Variants in GPHN observed in about 807,000 individuals in gnomAD.
GPHN encodes the protein gephyrin.
GPHN carries 17 observed loss-of-function variants against 95.5 expected under a neutral mutation model. The ratio of observed to expected loss-of-function variants is 0.18; its 90% confidence interval spans 0.12 to 0.27. GPHN has a LOEUF of 0.27. Among genes scored for constraint, GPHN ranks in the 10% least tolerant of loss-of-function variants. The pLI is 1.00. For missense variants in GPHN, 660 were observed against 978.1 expected (o/e 0.67, Z 4.34); for synonymous variants, 320 against 322.5 (o/e 0.99, Z 0.08).
At chr14:66,848,022 T>G (rs894288654) in intron 4 of GPHN, among the ~76,000 whole-genome samples, 4 of 152,020 alleles carry the variant, frequency 2.6e-5, no homozygotes, top group Admixed American at 1.3e-4. Flanking sequence ...AATCTTTAAT[T>G]TTATGAACAT....
intron 8 of GPHN, among the ~76,000 whole-genome samples, chr14:66,932,522 A>C (rs1177220150): frequency 7.7e-6 from 1 of 129,988 alleles, no homozygotes; most frequent in Non-Finnish European, 1.6e-5. Flanking sequence ...GGGTTTAGAA[A>C]TGCCGTCCAA....
chr14:67,180,181 C>T (rs1230504989), intron 22 of GPHN, among the ~76,000 whole-genome samples: 1 of 152,224 alleles, frequency 6.6e-6, no homozygotes, highest in Non-Finnish European at 1.5e-5. Flanking sequence ...TTATTCCCAA[C>T]TTCCCTACTC....
At chr14:66,648,861 A>G (rs1260262524) in intron 1 of GPHN, among the ~76,000 whole-genome samples, 1 of 152,216 alleles carries the variant, frequency 6.6e-6, no homozygotes, top group Non-Finnish European at 1.5e-5. Flanking sequence ...AAAATGCTTT[A>G]GTTGTTGCCT....
the GPHN span, chr14:67,454,605 C>T: frequency 6.6e-6 from 1 of 152,198 alleles, no homozygotes; most frequent in African/African-American, 2.4e-5. Flanking sequence ...CATGTCCCTG[C>T]ATTAGGGACT....
chr14:66,612,543 C>T (rs1423402279), intron 1 of GPHN, among the ~76,000 whole-genome samples: 1 of 152,074 alleles, frequency 6.6e-6, no homozygotes, highest in African/African-American at 2.4e-5. Flanking sequence ...CATTCCTCCA[C>T]TTCTCACCAT....
chr14:66,979,051 C>T (rs1284093247), intron 9 of GPHN, among the ~76,000 whole-genome samples: 1 of 152,084 alleles, frequency 6.6e-6, no homozygotes, highest in African/African-American at 2.4e-5. Flanking sequence ...TTTAGTAAAC[C>T]ATGCTGCAAA....
At chr14:66,676,766 A>T (rs2066616934) in intron 1 of GPHN, among the ~76,000 whole-genome samples, 1 of 146,932 alleles carries the variant, frequency 6.8e-6, no homozygotes, top group Non-Finnish European at 1.5e-5. Flanking sequence ...ACTGACCTCT[A>T]GTTTTTTTTG....
chr14:67,659,852 C>A, the GPHN span: 4 of 1,614,048 alleles, frequency 2.5e-6, no homozygotes, highest in African/African-American at 1.3e-5. Flanking sequence ...CCGGTAGTTT[C>A]GAAGCTTAGA....
chr14:67,674,275 G>A, the GPHN span: 1 of 1,124,390 alleles, frequency 8.9e-7, no homozygotes, highest in East Asian at 2.9e-5. Flanking sequence ...GGACGCGGAG[G>A]GAGGAGACGC....
intron 2 of GPHN, among the ~76,000 whole-genome samples, chr14:66,701,990 CAT>C (rs2068599057): frequency 6.6e-6 from 1 of 152,200 alleles, no homozygotes; most frequent in African/African-American, 2.4e-5. Context: ...GGTCCCAAGA[CAT>C]GTCCTCCACA....
chr14:66,688,354 G>A (rs980829634), intron 2 of GPHN, among the ~76,000 whole-genome samples: 1 of 152,126 alleles, frequency 6.6e-6, no homozygotes, highest in Non-Finnish European at 1.5e-5. Context: ...GCACACTCAA[G>A]TGTAACATTT....
chr14:66,983,648 T>G (rs2070827713), intron 9 of GPHN, among the ~76,000 whole-genome samples: 1 of 152,208 alleles, frequency 6.6e-6, no homozygotes, highest in South Asian at 2.1e-4. Flanking sequence ...ATGAGTGGTT[T>G]GCTCCCAAAG....
At chr14:67,224,674 T>C in the GPHN span, 1 of 328,932 alleles carries the variant, frequency 3.0e-6, no homozygotes, top group Non-Finnish European at 5.9e-6. Context: ...TCTGATTCTT[T>C]GATATTTTTT....
chr14:67,376,732 A>G, the GPHN span: 4 of 769,204 alleles, frequency 5.2e-6, no homozygotes, highest in South Asian at 1.9e-5. Context: ...GGCCAATCCT[A>G]TATGGTCAAG....
At chr14:66,556,013 T>C (rs2059994177) in intron 1 of GPHN, among the ~76,000 whole-genome samples, 1 of 152,178 alleles carries the variant, frequency 6.6e-6, no homozygotes, top group Admixed American at 6.5e-5. Context: ...CTATATGTTA[T>C]AGCCTATTGC....
chr14:66,608,210 T>C (rs2062631799), intron 1 of GPHN, among the ~76,000 whole-genome samples: 1 of 152,040 alleles, frequency 6.6e-6, no homozygotes, highest in African/African-American at 2.4e-5. Flanking sequence ...TTTCGAATAG[T>C]TTTTTGGTTT....
At chr14:67,004,618 T>C (rs1209261335) in intron 9 of GPHN, among the ~76,000 whole-genome samples, 3 of 151,812 alleles carry the variant, frequency 2.0e-5, no homozygotes, top group Admixed American at 1.3e-4. Flanking sequence ...ATCACCATTC[T>C]TGAGTCCTGT....
chr14:67,393,008 A>G, the GPHN span: 1 of 874,174 alleles, frequency 1.1e-6, no homozygotes, highest in African/African-American at 1.6e-5. Flanking sequence ...GTGGCTGCAC[A>G]CCCACACATG....
At chr14:67,198,834 A>G in the GPHN span, 1 of 567,324 alleles carries the variant, frequency 1.8e-6, no homozygotes, top group East Asian at 3.5e-5. Flanking sequence ...CTAAACATTC[A>G]ACATTAAAAT....
Sources: allele counts gnomAD v4.1 joint callset (sites outside exome capture counted in the v4.1 genomes callset), GRCh38; gene constraint gnomAD v4.1.1; transcripts MANE v1.5; gene names NCBI Gene and HGNC (gene_info 2026-07-23, HGNC 2026-07-21).